Variants in CTSA observed in about 807,000 individuals in gnomAD.
CTSA encodes cathepsin A.
CTSA carries 42 observed loss-of-function variants against 66.7 expected under a neutral mutation model. That is an observed-to-expected ratio of 0.63 (90% CI 0.49 to 0.81). The LOEUF (loss-of-function observed/expected upper bound fraction) is 0.81. Among genes scored for constraint, CTSA ranks in the 40% least tolerant of loss-of-function variants. The pLI is 0.00. For synonymous variants in CTSA, 225 were observed against 248.6 expected, an observed-to-expected ratio of 0.91 and a Z score of 0.89; for missense variants, 525 against 610.9, an observed-to-expected ratio of 0.86 and a Z score of 1.48.
chr20:45,898,563 G>A lies in CTSA; in HGVS notation c.*113G>A. Reference sequence around the variant, plus strand: ...CAGGCCGGGTTCTGCCGCCAGGACTGCCCCCTTCCCAGAGCCCTGTACATC... The same window carrying A: ...CAGGCCGGGTTCTGCCGCCAGGACTACCCCCTTCCCAGAGCCCTGTACATC... On this transcript the variant is annotated 3_prime_UTR_variant, in exon 15 of 15. Transcript: ENST00000646241. This position sits in a 1 kb window ranked among gnomAD's most constrained non-coding sequence, Gnocchi z 4.6. 9.5e-7 allele frequency: 1 copy of A among 1,050,466 alleles called. No individual in the cohort carries two copies. The highest frequency in any genetic ancestry group is 2.0e-5 in the Admixed American group (1 of 50,610). The allele number at this position is 1,050,466 out of a possible 1,614,324, so 65.1% of individuals were successfully genotyped here.
In CTSA at chr20:45,896,982, A is replaced by G. The variant is rs1357381119; in HGVS notation, c.1106A>G (p.Gln369Arg). The change falls in exon 12 of 15, where the codon CAG becomes CGG. Residue 369 changes from glutamine (Q) to arginine (R), a missense_variant. Around this residue, in one of 3 missense-constraint regions of CTSA, gnomAD observed 274 missense variants for 321.1 expected, o/e 0.85. Coordinates refer to ENST00000646241, the MANE Select transcript of CTSA (RefSeq NM_000308.4). ...CCCGGCAGCTTTCTGGTAAACTTAC[A>G]GTACCGCCGTCTCTACCGAAGCATG... The part of the protein sequence containing the change: ...WDMCNFLVNL[Q>R]YRRLYRSMNS... 3 of 1,607,134 alleles carry G rather than the reference A, an allele frequency of 1.9e-6. No individual in the cohort carries two copies. The highest frequency in any genetic ancestry group is 2.2e-5 in the East Asian group (1 of 44,740).
Position 45,891,875 on chromosome 20 carries a change from C to A in CTSA, c.195-41C>A, listed in dbSNP as rs1568761710. 1 of 1,604,632 alleles carries A rather than the reference C, an allele frequency of 6.2e-7. No individual in the cohort carries two copies. The highest frequency in any genetic ancestry group is 8.5e-7 in the Non-Finnish European group (1 of 1,171,506). On this transcript the variant is annotated intron_variant, in intron 2 of 14. Transcript: ENST00000646241. The surrounding 1 kb of genome is among the most constrained non-coding windows in gnomAD (Gnocchi z 4.6). ...TGGGAGCCGGGAGGGCTGGAAAGGGCCCCTCCAACTGCGCCAACCCTGCCC... is the reference window on the plus strand; with the variant it reads ...TGGGAGCCGGGAGGGCTGGAAAGGGACCCTCCAACTGCGCCAACCCTGCCC...
rs759623494 is a variant in CTSA, at chr20:45,897,682, T to A, written c.1165-35T>A. On this transcript the variant is annotated intron_variant, in intron 12 of 14. Transcript: ENST00000646241. ...GGGAAGGGCTGGGGACTGGGCTTGTTCCACACCCCTCATTTTTACCCCATC... is the reference window on the plus strand; with the variant it reads ...GGGAAGGGCTGGGGACTGGGCTTGTACCACACCCCTCATTTTTACCCCATC... The A allele has an allele frequency of 1.2e-5, 16 of 1,340,658 alleles. No individual in the cohort carries two copies. The South Asian group carries it at 1.8e-4, about 15-fold the overall frequency. 83.0% of individuals were successfully genotyped at this position (1,340,658 alleles called of 1,614,324 possible).
intron 11 of CTSA, among the ~76,000 whole-genome samples, chr20:45,895,543 G>C (rs2145820390): frequency 6.6e-6 from 1 of 152,110 alleles, no homozygotes; most frequent in Middle Eastern, 3.4e-3. Context: ...GAACTCTGGG[G>C]CTCAAGTGAT....
In CTSA at chr20:45,897,775, A is replaced by G; in HGVS notation, c.1223A>G (p.Asp408Gly). 6.2e-7 allele frequency: 1 copy of G among 1,611,970 alleles called. No homozygotes were observed. Among genetic ancestry groups the G allele is most frequent in the Non-Finnish European group, 8.5e-7 (1 of 1,178,340 alleles). ...GACATGGCCTGCAATTTCATGGGGG[A>G]TGAGTGGTTTGTGGATTCCCTCAAC... ...DVDMACNFMG[D>G]EWFVDSLNQK... Residue 408 changes from aspartate (D) to glycine (G), a missense_variant, in exon 13 of 15, where the codon GAT becomes GGT. Transcript: ENST00000646241.
Position 45,893,262 on chromosome 20 carries a change from G to C in CTSA, c.643G>C (p.Asp215His). ...GNGLSSYEQNDNSLVYFAYYH... is the reference protein window; with the variant it reads ...GNGLSSYEQNHNSLVYFAYYH... The stretch of plus-strand genomic sequence containing the variant: ...TGGACTCTCCTCCTATGAGCAGAAT[G>C]ACAACTCCCTGGTCTACTTTGCCTA... The change falls in exon 7 of 15, where the codon GAC becomes CAC. Residue 215 changes from aspartate to histidine, a missense_variant. Transcript: ENST00000646241. 1 of 1,614,172 alleles carries C rather than the reference G, an allele frequency of 6.2e-7. No individual in the cohort carries two copies. Among genetic ancestry groups the C allele is most frequent in the Non-Finnish European group, 8.5e-7 (1 of 1,180,020 alleles).
Position 45,891,494 on chromosome 20 carries a change from G to A in CTSA, c.1-75G>A, listed in dbSNP as rs933281472. On this transcript the variant is annotated intron_variant, in intron 1 of 14. Transcript: ENST00000646241. This position sits in a 1 kb window ranked among gnomAD's most constrained non-coding sequence, Gnocchi z 4.6. ...CCGGGGCTTCCCTCGCGGAGGCGCC[G>A]CCAGCAACTCCCCGGGGGCTGCTGC... 6.5e-7 allele frequency: 1 copy of A among 1,549,230 alleles called. No individual in the cohort carries two copies. Among genetic ancestry groups the A allele is most frequent in the Non-Finnish European group, 8.7e-7 (1 of 1,147,962 alleles).
At position 45,891,887 on chromosome 20, in the gene CTSA, C is replaced by T. The variant is rs971079450; in HGVS notation, c.195-29C>T. The T allele has an allele frequency of 5.6e-6, 9 of 1,609,068 alleles. No individual in the cohort carries two copies. Among genetic ancestry groups the T allele is most frequent in the African/African-American group, 4.0e-5 (3 of 74,840 alleles). On this transcript the variant is annotated intron_variant, in intron 2 of 14. Coordinates refer to ENST00000646241, the MANE Select transcript of CTSA (RefSeq NM_000308.4). This position sits in a 1 kb window ranked among gnomAD's most constrained non-coding sequence, Gnocchi z 4.6. The stretch of plus-strand genomic sequence containing the variant: ...GGGCTGGAAAGGGCCCCTCCAACTG[C>T]GCCAACCCTGCCCTGACCCCCCTCC...
In CTSA at chr20:45,891,412, C is replaced by G; in HGVS notation, c.-1+33C>G. ...GGCACCGGAGGCTGGAGGGGATCCC[C>G]GAGCCCGGGATCGGTGCGCGGCAGA... On this transcript the variant is annotated intron_variant, in intron 1 of 14. Transcript: ENST00000646241. The surrounding 1 kb of genome is among the most constrained non-coding windows in gnomAD (Gnocchi z 4.6). 2 of 1,558,160 alleles carry G rather than the reference C, an allele frequency of 1.3e-6. No homozygotes were observed.
At position 45,898,536 on chromosome 20, in the gene CTSA, T is replaced by A; in HGVS notation, c.*86T>A. The A allele has an allele frequency of 7.4e-7, 1 of 1,345,236 alleles. No individual in the cohort carries two copies. The highest frequency in any genetic ancestry group is 1.0e-6 in the Non-Finnish European group (1 of 957,920). The allele number at this position is 1,345,236 out of a possible 1,614,324, so 83.3% of individuals were successfully genotyped here. A position where few individuals can be genotyped will look rare whatever the true frequency, so the allele number is the denominator to read the frequency against. ...AGTCCTCTTCTAAGCAAAGTGCCCCTGCAGGCCGGGTTCTGCCGCCAGGAC... is the reference window on the plus strand; with the variant it reads ...AGTCCTCTTCTAAGCAAAGTGCCCCAGCAGGCCGGGTTCTGCCGCCAGGAC... On this transcript the variant is annotated 3_prime_UTR_variant, in exon 15 of 15. Coordinates refer to ENST00000646241, the MANE Select transcript of CTSA (RefSeq NM_000308.4). The surrounding 1 kb of genome is among the most constrained non-coding windows in gnomAD (Gnocchi z 4.6).
chr20:45,897,897 C>T, intron 13 of CTSA, 91 bp downstream of exon 13: 2 of 1,528,694 alleles, frequency 1.3e-6, no homozygotes, highest in Non-Finnish European at 1.8e-6. Flanking sequence ...CTGCCTGGCT[C>T]TGGCCCACAG....
Position 45,898,296 on chromosome 20 carries a change from G to A in CTSA, c.1360-71G>A. 1 of 1,413,766 alleles carries A rather than the reference G, an allele frequency of 7.1e-7. No homozygotes were observed. The highest frequency in any genetic ancestry group is 1.9e-5 in the Admixed American group (1 of 53,460). The allele number at this position is 1,413,766 out of a possible 1,614,324, so 87.6% of individuals were successfully genotyped here. ...ATAAAGGGTTTGGGATGAAGGAATTGCCCCCGAGTGAGCAGTTATATGGGG... is the reference window on the plus strand; with the variant it reads ...ATAAAGGGTTTGGGATGAAGGAATTACCCCCGAGTGAGCAGTTATATGGGG... On this transcript the variant is annotated intron_variant, in intron 14 of 14. Transcript: ENST00000646241. This position sits in a 1 kb window ranked among gnomAD's most constrained non-coding sequence, Gnocchi z 4.6.
chr20:45,892,940 A>G, intron 6 of CTSA, 60 bp downstream of exon 6: 1 of 1,587,840 alleles, frequency 6.3e-7, no homozygotes, highest in Non-Finnish European at 8.6e-7. Flanking sequence ...TACAGTTAGC[A>G]AGGTCAGACT....
intron 6 of CTSA, 85 bp downstream of exon 6, chr20:45,892,965 C>T: frequency 1.3e-6 from 2 of 1,483,320 alleles, no homozygotes; most frequent in African/African-American, 2.8e-5. Flanking sequence ...GGTCAATGTC[C>T]CCATCCAACC....
In CTSA at chr20:45,893,159, G is replaced by A. The variant is rs574685755; in HGVS notation, c.601-61G>A. On this transcript the variant is annotated intron_variant, in intron 6 of 14. Coordinates refer to ENST00000646241, the MANE Select transcript of CTSA (RefSeq NM_000308.4). The stretch of plus-strand genomic sequence containing the variant: ...GGATTGCTGAAGGTCTGGGTGGTAG[G>A]GTGAGGGAGGCTCTTCCTTTTTGCC... 1.6e-4 allele frequency: 221 copies of A among 1,422,122 alleles called. No individual in the cohort carries two copies. In the African/African-American group the frequency reaches 2.9e-3, roughly 19 times the overall value. 88.1% of individuals were successfully genotyped at this position (1,422,122 alleles called of 1,614,324 possible).
Position 45,898,731 on chromosome 20 carries a change from C to A in CTSA, c.*281C>A. On this transcript the variant is annotated 3_prime_UTR_variant, in exon 15 of 15. Coordinates refer to ENST00000646241, the MANE Select transcript of CTSA (RefSeq NM_000308.4). This position sits in a 1 kb window ranked among gnomAD's most constrained non-coding sequence, Gnocchi z 4.6. ...GATGCACTGATTCCATCCCAGGAAC[C>A]CAACAGAGCTCAGGACAGCCCACAG... is the stretch of plus-strand genomic sequence containing the variant. The A allele has an allele frequency of 1.5e-6, 1 of 685,166 alleles. No individual in the cohort carries two copies. Among genetic ancestry groups the A allele is most frequent in the African/African-American group, 1.8e-5 (1 of 55,922 alleles). The allele number at this position is 685,166 out of a possible 1,614,324, so 42.4% of individuals were successfully genotyped here. A position where few individuals can be genotyped will look rare whatever the true frequency, so the allele number is the denominator to read the frequency against.
At chr20:45,896,823 TG>T (rs1360335395) in intron 11 of CTSA, 141 bp from the exon 12 acceptor site, 5 of 697,060 alleles carry the variant, frequency 7.2e-6, no homozygotes, top group South Asian at 2.9e-5. Context: ...CCTAGAGAGG[TG>T]GCCCCCCCCC....
rs1307440533 is a variant in CTSA, at chr20:45,898,426, C to T, written c.1419C>T (p.Arg473=). The change falls in exon 15 of 15, where the codon CGC becomes CGT. Residue 473 remains arginine (R), a synonymous_variant. Transcript: ENST00000646241. This position sits in a 1 kb window ranked among gnomAD's most constrained non-coding sequence, Gnocchi z 4.6. ...KPLAAFTMFS[R]FLNKQPY ...TCGCTGCCTTCACCATGTTCTCCCG[C>T]TTCCTGAACAAGCAGCCATACTGAT... The T allele has an allele frequency of 6.2e-7, 1 of 1,614,074 alleles. No homozygotes were observed. The highest frequency in any genetic ancestry group is 1.1e-5 in the South Asian group (1 of 91,080).
Position 45,891,497 on chromosome 20 carries a change from A to G in CTSA, c.1-72A>G. ...GGGCTTCCCTCGCGGAGGCGCCGCC[A>G]GCAACTCCCCGGGGGCTGCTGCACG... On this transcript the variant is annotated intron_variant, in intron 1 of 14. Transcript: ENST00000646241. This position sits in a 1 kb window ranked among gnomAD's most constrained non-coding sequence, Gnocchi z 4.6. 1 of 1,551,132 alleles carries G rather than the reference A, an allele frequency of 6.4e-7. No homozygotes were observed. The highest frequency in any genetic ancestry group is 8.7e-7 in the Non-Finnish European group (1 of 1,149,104).
Sources: allele counts gnomAD v4.1 joint callset (sites outside exome capture counted in the v4.1 genomes callset), GRCh38; gene constraint gnomAD v4.1.1; regional missense constraint gnomAD v4.1.1; non-coding constraint Gnocchi (gnomAD v3.1); transcripts MANE v1.5; gene names NCBI Gene and HGNC (gene_info 2026-07-23, HGNC 2026-07-21).